Variants in MRAP2 observed in about 807,000 individuals in gnomAD.
The protein encoded by MRAP2 is melanocortin 2 receptor accessory protein 2.
Under a neutral mutation model 17.4 loss-of-function variants are expected in MRAP2, and 20 were observed. That is an observed-to-expected ratio of 1.15 (90% CI 0.81 to 1.67). The LOEUF (loss-of-function observed/expected upper bound fraction) is 1.67, where lower values mean the gene tolerates loss of function less well. Ranked by LOEUF, MRAP2 falls within the 40% of genes most tolerant of loss-of-function variation. The pLI is 0.00. For missense variants in MRAP2, 238 were observed against 240.0 expected (o/e 0.99, Z 0.05); for synonymous variants, 96 against 88.4 (o/e 1.09, Z -0.48).
intron 3 of MRAP2, among the ~76,000 whole-genome samples, chr6:84,067,703 G>GT (rs752070876): frequency 7.2e-6 from 1 of 139,316 alleles, no homozygotes; most frequent in Non-Finnish European, 1.6e-5. Context: ...GTCTATTCAT[G>GT]TTTTTAGCCC....
chr6:84,133,375 C>T, the MRAP2 span, among the ~76,000 whole-genome samples: 2 of 152,192 alleles, frequency 1.3e-5, no homozygotes, highest in South Asian at 4.1e-4. Context: ...AGAACCACTA[C>T]TCTCTTCAAA....
At chr6:84,109,822 A>T in the MRAP2 span, among the ~76,000 whole-genome samples, 1 of 151,450 alleles carries the variant, frequency 6.6e-6, no homozygotes. Flanking sequence ...TCGTTCTTCA[A>T]CTGCCACTTA....
At chr6:84,143,597 AAATG>A in the MRAP2 span, among the ~76,000 whole-genome samples, 1 of 152,028 alleles carries the variant, frequency 6.6e-6, no homozygotes, top group South Asian at 2.1e-4. Flanking sequence ...AAGAACAAAA[AAATG>A]AATGAATGTA....
At chr6:84,107,486 T>C in the MRAP2 span, among the ~76,000 whole-genome samples, 6 of 152,232 alleles carry the variant, frequency 3.9e-5, no homozygotes, top group Non-Finnish European at 7.3e-5. Context: ...TACTTCTTCT[T>C]CATTGGATCC....
chr6:84,108,195 G>T, the MRAP2 span, among the ~76,000 whole-genome samples: 1 of 151,978 alleles, frequency 6.6e-6, no homozygotes, highest in Non-Finnish European at 1.5e-5. Flanking sequence ...TATTCCTTTG[G>T]GTATATAACC....
chr6:84,059,290 A>G (rs573221829), intron 2 of MRAP2, among the ~76,000 whole-genome samples: 115 of 152,300 alleles, frequency 7.6e-4, no homozygotes, highest in African/African-American at 2.6e-3. Context: ...CATTAGGATG[A>G]GAAACAGCTA....
intron 1 of MRAP2, among the ~76,000 whole-genome samples, chr6:84,034,191 C>T (rs2099485328): frequency 6.6e-6 from 1 of 151,984 alleles, no homozygotes; most frequent in African/African-American, 2.4e-5. Context: ...GCTTCCTCCC[C>T]TCCGCTGGGC....
chr6:84,120,615 T>C, the MRAP2 span, among the ~76,000 whole-genome samples: 1 of 152,130 alleles, frequency 6.6e-6, no homozygotes, highest in Non-Finnish European at 1.5e-5. Flanking sequence ...TATTTCAAAA[T>C]AGAATATAGA....
the MRAP2 span, among the ~76,000 whole-genome samples, chr6:84,138,911 A>C: frequency 6.6e-6 from 1 of 152,224 alleles, no homozygotes; most frequent in Non-Finnish European, 1.5e-5. Context: ...AACTACTAGA[A>C]CAAGATTTTA....
rs1000971038 is a variant in MRAP2 at position 84,047,379 on chromosome 6, C to T, written c.-7-7933C>T. On this transcript the variant is annotated intron_variant, in intron 1 of 3. Coordinates refer to ENST00000257776, the MANE Select transcript of MRAP2 (RefSeq NM_138409.4). ...CTAATTTTTGTATTTTTAGTAGAGA[C>T]GGGGTTTTGCCAGGTTGACCAGGCT... 1.6e-4 allele frequency among the ~76,000 whole-genome samples: 24 copies of T among 151,378 alleles called. No homozygotes were observed. In the East Asian group the frequency reaches 3.1e-3, roughly 20 times the overall value.
Position 84,089,381 on chromosome 6 carries a change from A to G in MRAP2, c.518A>G (p.Asp173Gly). ...KFDIPNFVNT[D>G]QNYFGEDDLL... ...GACATCCCCAACTTTGTGAACACAG[A>G]CCAGAACTACTTTGGGGAGGATGAT... Residue 173 changes from aspartate to glycine, a missense_variant, in exon 4 of 4, where the codon GAC becomes GGC. Asp to Gly is a moderately conservative substitution (Grantham distance 94, BLOSUM62 -1). Transcript: ENST00000257776. 6.2e-7 allele frequency: 1 copy of G among 1,614,180 alleles called. No individual in the cohort carries two copies. Among genetic ancestry groups the G allele is most frequent in the South Asian group, 1.1e-5 (1 of 91,086 alleles).
the MRAP2 span, among the ~76,000 whole-genome samples, chr6:84,127,793 G>A: frequency 1.6e-4 from 24 of 152,246 alleles, no homozygotes; most frequent in East Asian, 4.6e-3. Context: ...AAGTGAATGA[G>A]AATTCTAATA....
At chr6:84,064,072 G>C (rs1298308638) in intron 3 of MRAP2, among the ~76,000 whole-genome samples, 1 of 151,322 alleles carries the variant, frequency 6.6e-6, no homozygotes, top group African/African-American at 2.4e-5. Flanking sequence ...AAAAGTTTTT[G>C]ATAAAGGGGC....
chr6:84,091,430 A>G (rs2497124), downstream of MRAP2, among the ~76,000 whole-genome samples: 30,021 of 151,442 alleles, frequency 0.2, 6,099 homozygotes, highest in African/African-American at 0.52. Flanking sequence ...AGATTTCACT[A>G]TATGTTGGCC....
intron 1 of MRAP2, among the ~76,000 whole-genome samples, chr6:84,050,981 G>C (rs1411361324): frequency 1.3e-5 from 2 of 152,182 alleles, no homozygotes; most frequent in Non-Finnish European, 2.9e-5. Context: ...GTGGGGGCAT[G>C]CTCATTTTTC....
At chr6:84,079,107 CA>C (rs906125703) in intron 3 of MRAP2, among the ~76,000 whole-genome samples, 34 of 152,296 alleles carry the variant, frequency 2.2e-4, no homozygotes, top group African/African-American at 6.5e-4. Flanking sequence ...GACTTTTCAA[CA>C]ACGTTCAAAG....
intron 1 of MRAP2, chr6:84,052,944 G>A: frequency 4.4e-6 from 1 of 225,338 alleles, no homozygotes; most frequent in Non-Finnish European, 7.4e-6. Context: ...AGGGAATAGT[G>A]TAAGGGGGAG....
At chr6:84,092,633 T>A (rs1351587102), downstream of MRAP2, among the ~76,000 whole-genome samples, 1 of 152,194 alleles carries the variant, frequency 6.6e-6, no homozygotes, top group Non-Finnish European at 1.5e-5. Context: ...CTAATAGTTG[T>A]CTTTCAGTAT....
intron 3 of MRAP2, among the ~76,000 whole-genome samples, chr6:84,068,551 A>G (rs1049487191): frequency 1.3e-5 from 2 of 151,966 alleles, no homozygotes; most frequent in Admixed American, 1.3e-4. Context: ...TGTTTTATCT[A>G]TGATTTCTTT....
Sources: gnomAD v4.1 joint callset for allele counts (sites outside exome capture counted in the v4.1 genomes callset) on GRCh38, gnomAD v4.1.1 for gene constraint, MANE v1.5 for transcripts, NCBI Gene and HGNC (gene_info 2026-07-23, HGNC 2026-07-21) for gene names.